GALNT17: variants seen among roughly 807,000 people sequenced by gnomAD.
GALNT17 encodes the protein polypeptide N-acetylgalactosaminyltransferase 17, also known as UDP-GalNAc:polypeptide N-acetylgalactosaminyltransferase-like 3.
Under a neutral mutation model 63.7 loss-of-function variants are expected in GALNT17, and 29 were observed. That is an observed-to-expected ratio of 0.46 (90% CI 0.34 to 0.62). The LOEUF is 0.62. GALNT17 is among the 20% of genes least tolerant of loss of function. The pLI, the probability that GALNT17 is intolerant of heterozygous loss-of-function variation, is 0.01. For missense variants in GALNT17, 603 were observed against 799.6 expected (o/e 0.75, Z 2.97); for synonymous variants, 305 against 318.3 (o/e 0.96, Z 0.45).
intron 1 of GALNT17, among the ~76,000 whole-genome samples, chr7:71,228,186 C>G (rs115274226): frequency 0.015 from 2,274 of 152,186 alleles, 71 homozygotes; most frequent in African/African-American, 0.052. Context: ...CCAGCTGTCT[C>G]TAAACAGCCC....
chr7:71,342,256 G>C (rs1166527666), intron 2 of GALNT17, among the ~76,000 whole-genome samples: 2 of 152,176 alleles, frequency 1.3e-5, no homozygotes, highest in African/African-American at 4.8e-5. Flanking sequence ...CAAAAGGTGA[G>C]CCAGCCTGTC....
chr7:71,233,826 A>G (rs1789837713), intron 1 of GALNT17, among the ~76,000 whole-genome samples: 2 of 152,182 alleles, frequency 1.3e-5, no homozygotes, highest in South Asian at 2.1e-4. Context: ...AACAGGTTTC[A>G]TTGACTCACA....
chr7:71,335,502 C>A, intron 1 of GALNT17, 48 bp from the exon 2 acceptor site: 1 of 1,484,162 alleles, frequency 6.7e-7, no homozygotes, highest in Non-Finnish European at 9.0e-7. Flanking sequence ...GTAATACATC[C>A]TGGTATGGTG....
chr7:71,404,018 C>G (rs1259394089), intron 3 of GALNT17, among the ~76,000 whole-genome samples: 1 of 152,162 alleles, frequency 6.6e-6, no homozygotes, highest in East Asian at 1.9e-4. Flanking sequence ...CTGCAAATGC[C>G]AGACTTTCAA....
At chr7:71,608,752 G>T (rs918728967) in intron 6 of GALNT17, among the ~76,000 whole-genome samples, 2 of 151,986 alleles carry the variant, frequency 1.3e-5, no homozygotes, top group Non-Finnish European at 2.9e-5. Context: ...ACCAGCAACT[G>T]GAGATGAACT....
chr7:71,432,532 G>C (rs1482954946), intron 5 of GALNT17, among the ~76,000 whole-genome samples: 1 of 152,194 alleles, frequency 6.6e-6, no homozygotes, highest in Non-Finnish European at 1.5e-5. Flanking sequence ...TCTCCCAGAA[G>C]CTGATCCAGG....
At position 71,598,691 on chromosome 7, in the gene GALNT17, C is replaced by T. The variant is rs550505662; in HGVS notation, c.1080+27289C>T. ...TCTATGGAAATGCCTAGACTTCAATCGGCATGCAAACATTTATTGAGCGTC... is the reference window on the plus strand; with the variant it reads ...TCTATGGAAATGCCTAGACTTCAATTGGCATGCAAACATTTATTGAGCGTC... On this transcript the variant is annotated intron_variant, in intron 6 of 10. Coordinates refer to ENST00000333538, the MANE Select transcript of GALNT17 (RefSeq NM_022479.3). 9.2e-5 allele frequency among the ~76,000 whole-genome samples: 14 copies of T among 152,272 alleles called. No homozygotes were observed. The South Asian group carries it at 1.7e-3, about 18-fold the overall frequency.
chr7:71,447,398 G>C (rs1787180257), intron 5 of GALNT17, among the ~76,000 whole-genome samples: 1 of 152,126 alleles, frequency 6.6e-6, no homozygotes, highest in African/African-American at 2.4e-5. Flanking sequence ...CCAACTTTTT[G>C]AGTGTCCACA....
In GALNT17 at chr7:71,132,732, C is replaced by T; in HGVS notation, c.-71C>T. 3 of 1,353,232 alleles carry T rather than the reference C, an allele frequency of 2.2e-6. No individual in the cohort carries two copies. The highest frequency in any genetic ancestry group is 3.0e-6 in the Non-Finnish European group (3 of 991,796). The allele number at this position is 1,353,232 out of a possible 1,614,324, so 83.8% of individuals were successfully genotyped here. A position where few individuals can be genotyped will look rare whatever the true frequency, so the allele number is the denominator to read the frequency against. On this transcript the variant is annotated 5_prime_UTR_variant, in exon 1 of 11. Transcript: ENST00000333538. ...TCTGGTGTGTGAGGCTTGCACGGCC[C>T]CTGGCTGCCCCGCGCCTCGCCGGAG...
In GALNT17 at chr7:71,341,245, G is replaced by A. The variant is rs1346537025; in HGVS notation, c.422+5512G>A. Among the ~76,000 whole-genome samples the A allele has an allele frequency of 3.9e-5, 6 of 152,004 alleles. No homozygotes were observed. In the East Asian group the frequency reaches 9.7e-4, roughly 24 times the overall value. ...ATAAAGAGTTGGAAGACAGCATTGA[G>A]AAAAGTTCTAAAAAGTAGAAAAAAA... On this transcript the variant is annotated intron_variant, in intron 2 of 10. Transcript: ENST00000333538.
chr7:71,437,129 A>G (rs917008649), intron 5 of GALNT17, among the ~76,000 whole-genome samples: 6 of 152,324 alleles, frequency 3.9e-5, no homozygotes, highest in Non-Finnish European at 5.9e-5. Flanking sequence ...GTAGAGAGCA[A>G]TCATGCAACC....
At chr7:71,368,575 G>A (rs1792557908) in intron 2 of GALNT17, among the ~76,000 whole-genome samples, 1 of 152,136 alleles carries the variant, frequency 6.6e-6, no homozygotes, top group Admixed American at 6.6e-5. Flanking sequence ...AGAGCAGGAT[G>A]AACAAACGTC....
intron 5 of GALNT17, among the ~76,000 whole-genome samples, chr7:71,460,226 A>G (rs1409641435): frequency 6.6e-6 from 1 of 152,176 alleles, no homozygotes; most frequent in Non-Finnish European, 1.5e-5. Flanking sequence ...AACAAGGCCA[A>G]ACTTAACACA....
At chr7:71,209,670 A>G (rs769278091) in intron 1 of GALNT17, among the ~76,000 whole-genome samples, 14 of 151,672 alleles carry the variant, frequency 9.2e-5, no homozygotes, top group Non-Finnish European at 1.9e-4. Flanking sequence ...TAATTTTTCT[A>G]TTTTTTGTAG....
intron 1 of GALNT17, among the ~76,000 whole-genome samples, chr7:71,265,118 A>ATTTTTTTT (rs60738546): frequency 6.9e-4 from 26 of 37,444 alleles, no homozygotes; most frequent in East Asian, 2.2e-3. Context: ...ATATATATAT[A>ATTTTTTTT]TTTTTTTTTT....
intron 8 of GALNT17, among the ~76,000 whole-genome samples, chr7:71,670,338 GA>G (rs1419389708): frequency 2.6e-5 from 4 of 152,116 alleles, no homozygotes; most frequent in Non-Finnish European, 4.4e-5. Context: ...CTTTGCCTGA[GA>G]TATGTAGCAG....
At chr7:71,577,687 G>GT (rs1012064186) in intron 6 of GALNT17, among the ~76,000 whole-genome samples, 2 of 152,170 alleles carry the variant, frequency 1.3e-5, no homozygotes, top group African/African-American at 4.8e-5. Context: ...AAGAACAAGC[G>GT]TATTTTAATT....
At chr7:71,338,778 C>A (rs1791957937) in intron 2 of GALNT17, among the ~76,000 whole-genome samples, 1 of 152,080 alleles carries the variant, frequency 6.6e-6, no homozygotes, top group Non-Finnish European at 1.5e-5. Context: ...TAGATTATTT[C>A]TTTCTCAAAT....
At chr7:71,482,448 C>T (rs552618369) in intron 5 of GALNT17, among the ~76,000 whole-genome samples, 3 of 152,234 alleles carry the variant, frequency 2.0e-5, no homozygotes, top group Admixed American at 6.5e-5. Context: ...CTGCACCTGC[C>T]GACAGGGATA....
Sources: allele counts gnomAD v4.1 joint callset (sites outside exome capture counted in the v4.1 genomes callset), GRCh38; gene constraint gnomAD v4.1.1; transcripts MANE v1.5; gene names NCBI Gene and HGNC (gene_info 2026-07-23, HGNC 2026-07-21).